The following PARVA variants were observed in gnomAD, a reference collection of about 807,000 sequenced individuals.
The protein encoded by PARVA is parvin alpha.
In PARVA, 25 loss-of-function variants were observed where a neutral mutation model predicts 52.6. The ratio of observed to expected loss-of-function variants is 0.48; its 90% confidence interval spans 0.35 to 0.66. PARVA has a LOEUF of 0.66. Ranked by LOEUF, PARVA falls within the 30% of genes least tolerant of loss-of-function variation. PARVA has a pLI of 0.01. For synonymous variants in PARVA, 185 were observed against 179.1 expected, an observed-to-expected ratio of 1.03 and a Z score of -0.26; for missense variants, 373 against 450.9, an observed-to-expected ratio of 0.83 and a Z score of 1.56.
chr11:12,467,716 T>G (rs1196193751), intron 1 of PARVA, among the ~76,000 whole-genome samples: 1 of 152,200 alleles, frequency 6.6e-6, no homozygotes, highest in African/African-American at 2.4e-5. Flanking sequence ...CTGATAAGGA[T>G]CTAGAGCAGC....
intron 1 of PARVA, among the ~76,000 whole-genome samples, chr11:12,382,097 C>T (rs898607078): frequency 2.6e-5 from 4 of 152,264 alleles, no homozygotes; most frequent in East Asian, 1.9e-4. Context: ...ATACTTGCAG[C>T]GCTTGAGCTC....
intron 1 of PARVA, among the ~76,000 whole-genome samples, chr11:12,455,917 G>C (rs910543504): frequency 1.3e-5 from 2 of 152,110 alleles, no homozygotes; most frequent in African/African-American, 4.8e-5. Context: ...TCCTTCTCCA[G>C]TCTGCCTGGG....
chr11:12,433,202 C>T (rs981844854), intron 1 of PARVA, among the ~76,000 whole-genome samples: 6 of 152,098 alleles, frequency 3.9e-5, no homozygotes, highest in Non-Finnish European at 7.4e-5. Flanking sequence ...GAAACTTTCC[C>T]GGAATCTTTT....
Position 12,411,594 on chromosome 11 carries a change from C to T in PARVA, c.136+33811C>T, listed in dbSNP as rs137949592. Among the ~76,000 whole-genome samples the T allele has an allele frequency of 3.3e-5, 5 of 152,170 alleles. No individual in the cohort carries two copies. In the East Asian group the frequency reaches 7.7e-4, roughly 24 times the overall value. On this transcript the variant is annotated intron_variant, in intron 1 of 12. Transcript: ENST00000334956. ...TTACTTTCCTTGTTTTTGATGGCCT[C>T]GGCACTTTTTAGGAGTACTGGTCAG...
chr11:12,480,237 A>AAG (rs1941069599), intron 4 of PARVA: 1 of 151,900 alleles, frequency 6.6e-6, no homozygotes, highest in African/African-American at 2.4e-5. Flanking sequence ...AAAAAAAAAA[A>AAG]AAAAGTGTAT....
At chr11:12,376,999 C>T (rs1002017547), upstream of PARVA, among the ~76,000 whole-genome samples, 3 of 152,144 alleles carry the variant, frequency 2.0e-5, no homozygotes, top group African/African-American at 7.2e-5. Flanking sequence ...TCGGCTTTAC[C>T]CTTGTGCACT....
chr11:12,440,094 G>T (rs1940441253), intron 1 of PARVA, among the ~76,000 whole-genome samples: 1 of 152,174 alleles, frequency 6.6e-6, no homozygotes, highest in Admixed American at 6.5e-5. Flanking sequence ...CTTGTTTATT[G>T]CTGTATCCCC....
chr11:12,400,608 T>A (rs573558335), intron 1 of PARVA, among the ~76,000 whole-genome samples: 1 of 150,408 alleles, frequency 6.6e-6, no homozygotes, highest in East Asian at 1.9e-4. Context: ...AGCAAGTGTA[T>A]GGGACTTTTC....
At chr11:12,518,416 G>T in intron 11 of PARVA, 29 bp from the exon 12 acceptor site, 1 of 1,581,824 alleles carries the variant, frequency 6.3e-7, no homozygotes, top group South Asian at 1.1e-5. Context: ...GTGTGCAATG[G>T]TACATGCTGT....
chr11:12,513,218 C>A, intron 8 of PARVA, 81 bp from the exon 9 acceptor site: 1 of 1,132,962 alleles, frequency 8.8e-7, no homozygotes, highest in Non-Finnish European at 1.3e-6. Flanking sequence ...CCTTGAGAGG[C>A]GCGTGGCTCT....
At chr11:12,526,219 T>TA (rs1165039134) in intron 12 of PARVA, among the ~76,000 whole-genome samples, 2 of 146,082 alleles carry the variant, frequency 1.4e-5, no homozygotes, top group African/African-American at 4.9e-5. Flanking sequence ...GCTATTGAAA[T>TA]AAAAAATAAA....
intron 1 of PARVA, among the ~76,000 whole-genome samples, chr11:12,438,125 T>C (rs1940413327): frequency 6.6e-6 from 1 of 152,002 alleles, no homozygotes; most frequent in Non-Finnish European, 1.5e-5. Context: ...CCGGGCATGG[T>C]GGCGGGCGCC....
Position 12,486,482 on chromosome 11 carries a change from G to A in PARVA, c.400+8533G>A, listed in dbSNP as rs189460402. 4.9e-3 allele frequency among the ~76,000 whole-genome samples: 745 copies of A among 152,120 alleles called. 7 individuals carry two copies. Among genetic ancestry groups the A allele is most frequent in the Middle Eastern group, 0.02 (6 of 294 alleles). ...CGGCAGGCGGAGGTTGCAGTGAGCC[G>A]AGATCACATCACTGTACTCCAGCGT... is the stretch of plus-strand genomic sequence containing the variant. On this transcript the variant is annotated intron_variant, in intron 4 of 12. Transcript: ENST00000334956.
rs1941797785 is a variant in PARVA, at chr11:12,533,515, A to G, written c.*5590A>G. 6.6e-6 allele frequency among the ~76,000 whole-genome samples: 1 copy of G among 152,198 alleles called. No individual in the cohort carries two copies. Among genetic ancestry groups the G allele is most frequent in the South Asian group, 2.1e-4 (1 of 4,822 alleles). On this transcript the variant is annotated 3_prime_UTR_variant, in exon 13 of 13. Coordinates refer to ENST00000334956, the MANE Select transcript of PARVA (RefSeq NM_018222.5). ...CAATGTTTGGTGAAACAACTTTCAT[A>G]TGAAAGTACGGTTGATCCTTGAATG...
intron 1 of PARVA, among the ~76,000 whole-genome samples, chr11:12,424,011 T>A (rs1428600715): frequency 6.6e-6 from 1 of 152,244 alleles, no homozygotes; most frequent in African/African-American, 2.4e-5. Context: ...ATTGTTATTA[T>A]GTTAATCTAT....
intron 1 of PARVA, among the ~76,000 whole-genome samples, chr11:12,395,703 G>T (rs952008775): frequency 6.6e-6 from 1 of 152,222 alleles, no homozygotes; most frequent in African/African-American, 2.4e-5. Context: ...AGTCCCAGGT[G>T]AAGCTTGCTC....
intron 1 of PARVA, among the ~76,000 whole-genome samples, chr11:12,433,371 C>G (rs568465019): frequency 6.6e-6 from 1 of 152,334 alleles, no homozygotes; most frequent in South Asian, 2.1e-4. Context: ...TCACTGGTAT[C>G]AGCTGCTTCT....
chr11:12,482,792 G>A (rs545283409), intron 4 of PARVA, among the ~76,000 whole-genome samples: 21 of 152,270 alleles, frequency 1.4e-4, no homozygotes, highest in Non-Finnish European at 2.5e-4. Flanking sequence ...ATCAGATATC[G>A]TGAGACTTAT....
intron 12 of PARVA, among the ~76,000 whole-genome samples, chr11:12,521,800 T>G (rs933931): frequency 0.99 from 150,148 of 152,254 alleles, 74,066 homozygotes; most frequent in Middle Eastern, 1. Context: ...ATGGAAGAGG[T>G]CTATGAGCCA....
Sources: gnomAD v4.1 joint callset for allele counts (sites outside exome capture counted in the v4.1 genomes callset) on GRCh38, gnomAD v4.1.1 for gene constraint, MANE v1.5 for transcripts, NCBI Gene and HGNC (gene_info 2026-07-23, HGNC 2026-07-21) for gene names.